Variants in SAMSN1 observed in about 807,000 individuals in gnomAD.
SAMSN1 encodes SAM domain, SH3 domain and nuclear localization signals 1.
In SAMSN1, 31 loss-of-function variants were observed where a neutral mutation model predicts 42.0. That is an observed-to-expected ratio of 0.74 (90% confidence interval 0.55 to 1.00). The LOEUF (loss-of-function observed/expected upper bound fraction) is 1.00. Among genes scored for constraint, SAMSN1 ranks in the 50% least tolerant of loss-of-function variants. The probability of loss-of-function intolerance (pLI) is 0.00; values close to 1 mark genes in which losing one functional copy is unlikely to be tolerated. For missense variants in SAMSN1, 464 were observed against 439.4 expected, an observed-to-expected ratio of 1.06 and a Z score of -0.50; for synonymous variants, 178 against 151.9, an observed-to-expected ratio of 1.17 and a Z score of -1.26.
intron 2 of SAMSN1, among the ~76,000 whole-genome samples, chr21:14,562,944 G>A (rs1302263516): frequency 6.6e-6 from 1 of 152,156 alleles, no homozygotes; most frequent in Admixed American, 6.5e-5. Flanking sequence ...AAGCTCTGAT[G>A]TTCCTAAGTC....
At chr21:14,642,389 T>A (rs143697629) in intron 2 of SAMSN1, among the ~76,000 whole-genome samples, 38 of 152,354 alleles carry the variant, frequency 2.5e-4, no homozygotes, top group Non-Finnish European at 4.7e-4. Flanking sequence ...ATGGTGTGTA[T>A]CCATAAATTC....
At chr21:14,643,252 G>T (rs551082119) in intron 1 of SAMSN1, 4 of 592,102 alleles carry the variant, frequency 6.8e-6, no homozygotes, top group Admixed American at 2.8e-5. Context: ...TGGGCATAGG[G>T]ATTAAGAGTT....
chr21:14,639,624 T>G (rs562274752), intron 2 of SAMSN1, among the ~76,000 whole-genome samples: 2 of 152,280 alleles, frequency 1.3e-5, no homozygotes, highest in Non-Finnish European at 2.9e-5. Flanking sequence ...TTCTCACTCT[T>G]TTTCTAATTC....
intron 4 of SAMSN1, among the ~76,000 whole-genome samples, chr21:14,511,359 T>C (rs1487301419): frequency 1.3e-5 from 2 of 152,244 alleles, no homozygotes; most frequent in Non-Finnish European, 2.9e-5. Flanking sequence ...ACCAGGGCTT[T>C]TCGCAGTCCA....
chr21:14,621,873 C>G (rs1050418536), intron 2 of SAMSN1, among the ~76,000 whole-genome samples: 1 of 152,202 alleles, frequency 6.6e-6, no homozygotes, highest in Non-Finnish European at 1.5e-5. Flanking sequence ...GAGGCACACC[C>G]CAGTACGGGC....
chr21:14,526,585 T>C (rs1978875330), intron 1 of SAMSN1, among the ~76,000 whole-genome samples: 3 of 152,224 alleles, frequency 2.0e-5, no homozygotes, highest in Middle Eastern at 3.2e-3. Context: ...AAGCTGGCAG[T>C]GTTCTTAGTT....
intron 7 of SAMSN1, among the ~76,000 whole-genome samples, chr21:14,489,738 A>G (rs1399748078): frequency 6.6e-6 from 1 of 152,170 alleles, no homozygotes; most frequent in Non-Finnish European, 1.5e-5. Flanking sequence ...TAATTTGCAT[A>G]TTAAAATAAT....
intron 7 of SAMSN1, among the ~76,000 whole-genome samples, chr21:14,588,457 T>C (rs981444780): frequency 2.0e-4 from 30 of 150,146 alleles, no homozygotes; most frequent in Non-Finnish European, 3.6e-4. Context: ...TGTGAGATGG[T>C]ATCTCATTGT....
At chr21:14,561,860 G>A (rs1980956677) in intron 2 of SAMSN1, among the ~76,000 whole-genome samples, 1 of 152,166 alleles carries the variant, frequency 6.6e-6, no homozygotes, top group African/African-American at 2.4e-5. Context: ...GGCAGGAAGT[G>A]GAATTATGCC....
At chr21:14,595,264 G>T (rs1982225085) in intron 6 of SAMSN1, among the ~76,000 whole-genome samples, 1 of 152,080 alleles carries the variant, frequency 6.6e-6, no homozygotes. Context: ...TGGGGCTTTT[G>T]CGGAAGTAAC....
At chr21:14,518,835 G>A (rs1189813452) in intron 2 of SAMSN1, among the ~76,000 whole-genome samples, 1 of 152,136 alleles carries the variant, frequency 6.6e-6, no homozygotes. Context: ...TAATTCGGAA[G>A]CACTTTAAAA....
At chr21:14,531,753 A>G (rs755784424) in intron 1 of SAMSN1, among the ~76,000 whole-genome samples, 1 of 152,232 alleles carries the variant, frequency 6.6e-6, no homozygotes, top group Non-Finnish European at 1.5e-5. Context: ...AATTATGGTT[A>G]AATAAAGATG....
intron 1 of SAMSN1, among the ~76,000 whole-genome samples, chr21:14,540,971 G>A (rs888081549): frequency 6.6e-6 from 1 of 152,184 alleles, no homozygotes; most frequent in Non-Finnish European, 1.5e-5. Context: ...ATGAGTTCAT[G>A]TCCTTTGTAG....
intron 2 of SAMSN1, among the ~76,000 whole-genome samples, chr21:14,628,699 T>C (rs996760220): frequency 2.6e-5 from 4 of 152,186 alleles, no homozygotes; most frequent in African/African-American, 9.6e-5. Context: ...AAGGGGAATG[T>C]TGGTAAATGT....
chr21:14,640,314 T>C (rs192999912), intron 2 of SAMSN1, among the ~76,000 whole-genome samples: 1 of 152,328 alleles, frequency 6.6e-6, no homozygotes, highest in African/African-American at 2.4e-5. Context: ...AGTTGTATTG[T>C]CAGTTTGGTT....
intron 2 of SAMSN1, among the ~76,000 whole-genome samples, chr21:14,570,164 G>A (rs118187184): frequency 7.2e-5 from 11 of 152,046 alleles, no homozygotes; most frequent in Non-Finnish European, 1.0e-4. Context: ...TCAGAATGCC[G>A]CAAATCCATT....
intron 1 of SAMSN1, among the ~76,000 whole-genome samples, chr21:14,582,769 A>G (rs887732364): frequency 6.6e-6 from 1 of 152,174 alleles, no homozygotes; most frequent in Admixed American, 6.5e-5. Flanking sequence ...CATACAAATA[A>G]TATGCTGAAA....
intron 1 of SAMSN1, among the ~76,000 whole-genome samples, chr21:14,655,148 C>A (rs1242083447): frequency 1.3e-5 from 2 of 151,462 alleles, no homozygotes; most frequent in Non-Finnish European, 1.5e-5. Flanking sequence ...GAACAAAGAA[C>A]AATTACAAAG....
chr21:14,616,426 G>A (rs1176260083), intron 2 of SAMSN1, among the ~76,000 whole-genome samples: 1 of 152,118 alleles, frequency 6.6e-6, no homozygotes, highest in African/African-American at 2.4e-5. Flanking sequence ...ATACCTGGGT[G>A]TGTTAGTTGT....
Sources: allele counts gnomAD v4.1 joint callset (sites outside exome capture counted in the v4.1 genomes callset), GRCh38; gene constraint gnomAD v4.1.1; transcripts MANE v1.5; gene names NCBI Gene and HGNC (gene_info 2026-07-23, HGNC 2026-07-21).